The following ZNF236 variants were observed in gnomAD, a reference collection of about 807,000 sequenced individuals.
The protein encoded by ZNF236 is regulated by glucose.
ZNF236 carries 50 observed loss-of-function variants against 191.2 expected under a neutral mutation model. The observed-to-expected ratio is 0.26, with a 90% CI of 0.21 to 0.33. ZNF236 has a LOEUF of 0.33. Ranked by LOEUF, ZNF236 falls within the 10% of genes least tolerant of loss-of-function variation. The pLI is 1.00. For synonymous variants in ZNF236, 907 were observed against 928.8 expected, an observed-to-expected ratio of 0.98 and a Z score of 0.43; for missense variants, 1,754 against 2,374.5, an observed-to-expected ratio of 0.74 and a Z score of 5.43.
At chr18:76,931,807 C>G (rs1967858067) in intron 25 of ZNF236, among the ~76,000 whole-genome samples, 1 of 152,144 alleles carries the variant, frequency 6.6e-6, no homozygotes. Context: ...GATAACATAC[C>G]TATCTCGTTC....
At chr18:76,889,247 G>T (rs564721823) in intron 9 of ZNF236, among the ~76,000 whole-genome samples, 1 of 152,314 alleles carries the variant, frequency 6.6e-6, no homozygotes, top group Middle Eastern at 3.4e-3. Context: ...AAGTTTCTGA[G>T]CCTCCTCCTA....
At chr18:76,917,108 T>C (rs573223950) in intron 19 of ZNF236, among the ~76,000 whole-genome samples, 4 of 152,372 alleles carry the variant, frequency 2.6e-5, no homozygotes, top group African/African-American at 9.6e-5. Context: ...ATTTCTTTAG[T>C]AGATAATTCT....
At chr18:76,901,027 C>A (rs1977576287) in intron 11 of ZNF236, among the ~76,000 whole-genome samples, 1 of 152,226 alleles carries the variant, frequency 6.6e-6, no homozygotes, top group South Asian at 2.1e-4. Flanking sequence ...CTCTTCGGAT[C>A]TGACAGGAGG....
At position 76,968,661 on chromosome 18, in the gene ZNF236, AT is replaced by A. The variant is rs1968844030; in HGVS notation, c.*325del. 9 of 1,047,814 alleles carry A rather than the reference AT, an allele frequency of 8.6e-6. No homozygotes were observed. The highest frequency in any genetic ancestry group is 1.0e-5 in the Non-Finnish European group (9 of 870,722). The allele number at this position is 1,047,814 out of a possible 1,614,324, so 64.9% of individuals were successfully genotyped here. ...TGGGTCTTACTATCATTGTAGTGTG[AT>A]TTCTTTGTATTAGCAAAGACAAAAA... On this transcript the variant is annotated 3_prime_UTR_variant, in exon 31 of 31. Transcript: ENST00000320610.
intron 1 of ZNF236, among the ~76,000 whole-genome samples, chr18:76,833,340 G>T (rs76710690): frequency 3.9e-5 from 6 of 151,986 alleles, no homozygotes; most frequent in Non-Finnish European, 8.8e-5. Context: ...GTTTCTTTTG[G>T]GGGGTGGAGG....
At chr18:76,827,336 C>A (rs754911654) in intron 1 of ZNF236, among the ~76,000 whole-genome samples, 18 of 152,058 alleles carry the variant, frequency 1.2e-4, no homozygotes, top group Admixed American at 2.6e-4. Context: ...CAGGTGCATG[C>A]CACCATGCCC....
chr18:76,972,256 T>C lies in ZNF236; in HGVS notation c.*3917T>C, dbSNP rs764934948. 4.6e-5 allele frequency among the ~76,000 whole-genome samples: 7 copies of C among 152,256 alleles called. No individual in the cohort carries two copies. The highest frequency in any genetic ancestry group is 7.3e-5 in the Non-Finnish European group (5 of 68,046). On this transcript the variant is annotated 3_prime_UTR_variant, in exon 31 of 31. Transcript: ENST00000320610. ...GGCATCTTCTTCATTGTGGAGAAAG[T>C]GGGAACCACAGAGCTTTTCGTGGGC...
In ZNF236 at chr18:76,905,139, T is replaced by G; in HGVS notation, c.2037-16T>G. On this transcript the variant is annotated splice_polypyrimidine_tract_variant and intron_variant, in intron 12 of 30. Transcript: ENST00000320610. ...TATAAGAAACATATTCATTAAAATGTGTATTTTTTTTTAAGATCCCATACA... is the reference window on the plus strand; with the variant it reads ...TATAAGAAACATATTCATTAAAATGGGTATTTTTTTTTAAGATCCCATACA... 1 of 1,594,718 alleles carries G rather than the reference T, an allele frequency of 6.3e-7. No individual in the cohort carries two copies. The highest frequency in any genetic ancestry group is 8.6e-7 in the Non-Finnish European group (1 of 1,169,120).
chr18:76,859,437 GATCTA>G, intron 3 of ZNF236, among the ~76,000 whole-genome samples: 1 of 152,278 alleles, frequency 6.6e-6, no homozygotes, highest in Admixed American at 6.5e-5. Flanking sequence ...AGATCTGTAT[GATCTA>G]GTAAGTATTT....
chr18:76,887,697 A>G (rs1428177519), intron 9 of ZNF236: 3 of 152,264 alleles, frequency 2.0e-5, no homozygotes, highest in Non-Finnish European at 4.4e-5. Flanking sequence ...CACATCTTAC[A>G]TGGCTACAGG....
chr18:76,916,893 C>T (rs535519164), intron 19 of ZNF236, among the ~76,000 whole-genome samples: 1 of 152,310 alleles, frequency 6.6e-6, no homozygotes, highest in East Asian at 1.9e-4. Flanking sequence ...GGTGGCCCAT[C>T]ATCCTCTCTC....
chr18:76,861,044 T>G (rs551278766), intron 3 of ZNF236, among the ~76,000 whole-genome samples: 2 of 152,318 alleles, frequency 1.3e-5, no homozygotes, highest in African/African-American at 4.8e-5. Context: ...GGCTGTCACA[T>G]TCAGCCACCT....
chr18:76,878,236 G>A, intron 7 of ZNF236, 84 bp downstream of exon 7: 1 of 1,316,088 alleles, frequency 7.6e-7, no homozygotes, highest in South Asian at 2.1e-5. Context: ...ATATTTAGTA[G>A]CAAAAAGGTG....
intron 1 of ZNF236, among the ~76,000 whole-genome samples, chr18:76,845,783 A>G (rs1975657681): frequency 6.6e-6 from 1 of 152,090 alleles, no homozygotes; most frequent in Admixed American, 6.5e-5. Context: ...CGGGAGGTGA[A>G]GGTTGCAGTG....
intron 27 of ZNF236, among the ~76,000 whole-genome samples, chr18:76,955,617 C>T (rs996275557): frequency 6.6e-6 from 1 of 152,158 alleles, no homozygotes; most frequent in Non-Finnish European, 1.5e-5. Flanking sequence ...TGAAAGCTTG[C>T]CGTATGCAGC....
rs762882263 is a variant in ZNF236 at position 76,919,777 on chromosome 18, C to T, written c.3276C>T (p.Asp1092=). The T allele has an allele frequency of 6.2e-7, 1 of 1,613,370 alleles. No individual in the cohort carries two copies. Among genetic ancestry groups the T allele is most frequent in the Admixed American group, 1.7e-5 (1 of 60,010 alleles). The part of the protein sequence containing the change: ...VSATGETEGG[D]ICMEEEEEHS... ...TCCCTTTTCCTTGATTTTGTGTAGA[C>T]ATTTGTATGGAGGAAGAGGAAGAAC... Residue 1092 remains aspartate (D), a splice_region_variant and synonymous_variant, in exon 20 of 31, where the codon GAC becomes GAT. Coordinates refer to ENST00000320610, the MANE Select transcript of ZNF236 (RefSeq NM_001306089.2). The surrounding 1 kb of genome is among the most constrained non-coding windows in gnomAD (Gnocchi z 5.3).
rs1464018069 is a variant in ZNF236 at position 76,970,950 on chromosome 18, C to T, written c.*2611C>T. 6.6e-6 allele frequency among the ~76,000 whole-genome samples: 1 copy of T among 152,246 alleles called. No homozygotes were observed. The highest frequency in any genetic ancestry group is 1.5e-5 in the Non-Finnish European group (1 of 68,048). ...CGAGCCGTGGGCGTCAGCACAGTGC[C>T]CTGTGCATGTGTCAGAACTGTTCCT... On this transcript the variant is annotated 3_prime_UTR_variant, in exon 31 of 31. Coordinates refer to ENST00000320610, the MANE Select transcript of ZNF236 (RefSeq NM_001306089.2).
rs764263385 is a variant in ZNF236 at position 76,925,550 on chromosome 18, G to A, written c.4023G>A (p.Val1341=). 3 of 1,612,012 alleles carry A rather than the reference G, an allele frequency of 1.9e-6. No homozygotes were observed. The highest frequency in any genetic ancestry group is 2.2e-5 in the South Asian group (2 of 91,062). ...LVGQAILPAS[V]SAGGDLTVSL... The stretch of plus-strand genomic sequence containing the variant: ...GCCAAGCTATTCTCCCTGCCTCTGT[G>A]TCAGGTAAACGCTGAGCCGAGGGAA... The change falls in exon 22 of 31, where the codon GTG becomes GTA. Residue 1341 remains valine (V), a synonymous_variant. Coordinates refer to ENST00000320610, the MANE Select transcript of ZNF236 (RefSeq NM_001306089.2). The surrounding 1 kb of genome is among the most constrained non-coding windows in gnomAD (Gnocchi z 5.7).
intron 3 of ZNF236, among the ~76,000 whole-genome samples, chr18:76,853,753 G>A (rs1426035289): frequency 1.3e-5 from 2 of 152,156 alleles, no homozygotes; most frequent in African/African-American, 4.8e-5. Context: ...GCTCATGTCT[G>A]TAATCCCAGC....
Sources: allele counts gnomAD v4.1 joint callset (sites outside exome capture counted in the v4.1 genomes callset), GRCh38; gene constraint gnomAD v4.1.1; non-coding constraint Gnocchi (gnomAD v3.1); transcripts MANE v1.5; gene names NCBI Gene and HGNC (gene_info 2026-07-23, HGNC 2026-07-21).